MAP4K4: variants seen among roughly 807,000 people sequenced by gnomAD.
MAP4K4 encodes mitogen-activated protein kinase kinase kinase kinase 4.
A neutral mutation model predicts 189.6 loss-of-function variants in MAP4K4; 38 were observed. The ratio of observed to expected loss-of-function variants is 0.20; its 90% confidence interval spans 0.15 to 0.26. The LOEUF is 0.26. Ranked by LOEUF, MAP4K4 falls within the 10% of genes least tolerant of loss-of-function variation. MAP4K4 has a pLI of 1.00. For missense variants in MAP4K4, 1,054 were observed against 1,726.9 expected (o/e 0.61, Z 6.91); for synonymous variants, 610 against 624.3 (o/e 0.98, Z 0.34).
intron 12 of MAP4K4, among the ~76,000 whole-genome samples, chr2:101,848,152 A>G (rs2097168468): frequency 6.6e-6 from 1 of 152,214 alleles, no homozygotes; most frequent in African/African-American, 2.4e-5. Context: ...ATTTCTAGGA[A>G]CATATCCCTG....
chr2:101,712,238 A>G (rs1330033528), intron 2 of MAP4K4, among the ~76,000 whole-genome samples: 2 of 152,120 alleles, frequency 1.3e-5, no homozygotes, highest in Admixed American at 1.3e-4. Context: ...TCTGTCACTC[A>G]GGCTGGAGTA....
chr2:101,729,391 CAT>C (rs1228244469), intron 2 of MAP4K4, among the ~76,000 whole-genome samples: 1 of 152,082 alleles, frequency 6.6e-6, no homozygotes, highest in Non-Finnish European at 1.5e-5. Context: ...GAGTGCATCA[CAT>C]ATGCTAAGAG....
At chr2:101,796,401 A>G (rs1056807536) in intron 3 of MAP4K4, among the ~76,000 whole-genome samples, 5 of 152,184 alleles carry the variant, frequency 3.3e-5, no homozygotes, top group African/African-American at 1.2e-4. Flanking sequence ...GGAAAGAAAG[A>G]GCCCACTCCC....
At chr2:101,781,581 A>G (rs2087484313) in intron 2 of MAP4K4, among the ~76,000 whole-genome samples, 1 of 151,914 alleles carries the variant, frequency 6.6e-6, no homozygotes, top group South Asian at 2.1e-4. Context: ...TTTATAATAA[A>G]CTTGCTTTGG....
intron 2 of MAP4K4, among the ~76,000 whole-genome samples, chr2:101,739,120 C>A (rs2149728066): frequency 6.6e-6 from 1 of 152,232 alleles, no homozygotes; most frequent in African/African-American, 2.4e-5. Flanking sequence ...GCATGGTAGG[C>A]AGGATAGGAG....
intron 29 of MAP4K4, among the ~76,000 whole-genome samples, chr2:101,885,650 CG>C (rs1371276325): frequency 1.3e-5 from 2 of 152,058 alleles, no homozygotes; most frequent in African/African-American, 4.8e-5. Flanking sequence ...CTGTGTCTAT[CG>C]GGCAGTTTTA....
At chr2:101,868,529 GGATT>G (rs1248092590) in intron 21 of MAP4K4, among the ~76,000 whole-genome samples, 1 of 152,212 alleles carries the variant, frequency 6.6e-6, no homozygotes, top group Non-Finnish European at 1.5e-5. Context: ...TATATTTGGT[GGATT>G]GATTGAGTCT....
At chr2:101,874,830 A>T (rs922917172) in intron 26 of MAP4K4, among the ~76,000 whole-genome samples, 1 of 152,234 alleles carries the variant, frequency 6.6e-6, no homozygotes, top group Non-Finnish European at 1.5e-5. Context: ...TATCATGGAG[A>T]AGTAGAAGAT....
intron 2 of MAP4K4, among the ~76,000 whole-genome samples, chr2:101,767,284 G>A (rs2079028149): frequency 6.6e-6 from 1 of 152,166 alleles, no homozygotes; most frequent in Admixed American, 6.5e-5. Flanking sequence ...AGAGCAAACC[G>A]AGAGCCACAC....
chr2:101,774,983 C>G (rs1246440561), intron 2 of MAP4K4, among the ~76,000 whole-genome samples: 1 of 151,806 alleles, frequency 6.6e-6, no homozygotes, highest in African/African-American at 2.4e-5. Flanking sequence ...TTTATCACTT[C>G]CCCCCATTTT....
At chr2:101,790,841 A>G (rs2092752325) in intron 3 of MAP4K4, 65 bp downstream of exon 3, 12 of 1,299,402 alleles carry the variant, frequency 9.2e-6, no homozygotes, top group Non-Finnish European at 1.2e-5. Context: ...CCCCAACAAC[A>G]CAGAGTATTA....
intron 5 of MAP4K4, 112 bp downstream of exon 5, chr2:101,825,541 CTT>C (rs2096309792): frequency 1.8e-6 from 1 of 568,240 alleles, no homozygotes; most frequent in Admixed American, 3.6e-5. Context: ...AGATTATTCT[CTT>C]TGACAGCCAA....
At chr2:101,772,213 C>T (rs1427724831) in intron 2 of MAP4K4, among the ~76,000 whole-genome samples, 4 of 152,214 alleles carry the variant, frequency 2.6e-5, no homozygotes, top group African/African-American at 7.2e-5. Flanking sequence ...GTCTCAGCCA[C>T]CTGAAAATCA....
chr2:101,844,337 G>C (rs1022405921), intron 12 of MAP4K4, 26 bp downstream of exon 12: 13 of 1,547,452 alleles, frequency 8.4e-6, no homozygotes, highest in Non-Finnish European at 9.6e-6. Flanking sequence ...TGTCCAAGTT[G>C]GTTGGTCTTT....
chr2:101,795,623 C>G (rs1041364831), intron 3 of MAP4K4, among the ~76,000 whole-genome samples: 1 of 152,164 alleles, frequency 6.6e-6, no homozygotes, highest in Admixed American at 6.5e-5. Flanking sequence ...GAATACTCTC[C>G]TCTGAGGAGC....
At chr2:101,861,580 A>G (rs2149860106) in intron 16 of MAP4K4, 1 of 152,678 alleles carries the variant, frequency 6.5e-6, no homozygotes, top group Middle Eastern at 3.4e-3. Flanking sequence ...TAGGCCAGGG[A>G]AAAGGCTGTG....
intron 2 of MAP4K4, among the ~76,000 whole-genome samples, chr2:101,760,528 A>G (rs1382336171): frequency 6.5e-5 from 7 of 108,522 alleles, no homozygotes; most frequent in African/African-American, 3.2e-4. Context: ...ATATATGTAT[A>G]TATGTGTGTG....
intron 12 of MAP4K4, among the ~76,000 whole-genome samples, chr2:101,844,837 A>G (rs2097043286): frequency 6.6e-6 from 1 of 152,084 alleles, no homozygotes; most frequent in South Asian, 2.1e-4. Context: ...CTTAATACCT[A>G]GGTGACGGGT....
At chr2:101,704,988 T>C (rs778148116) in intron 2 of MAP4K4, among the ~76,000 whole-genome samples, 1 of 152,198 alleles carries the variant, frequency 6.6e-6, no homozygotes, top group Non-Finnish European at 1.5e-5. Context: ...GTGAGTATTA[T>C]TCAGAAGAGA....
Sources: allele counts gnomAD v4.1 joint callset (sites outside exome capture counted in the v4.1 genomes callset), GRCh38; gene constraint gnomAD v4.1.1; transcripts MANE v1.5; gene names NCBI Gene and HGNC (gene_info 2026-07-23, HGNC 2026-07-21).